Variants in SORBS2 observed in about 807,000 individuals in gnomAD.
The protein encoded by SORBS2 is sorbin and SH3 domain-containing protein 2.
Under a neutral mutation model 97.7 loss-of-function variants are expected in SORBS2, and 46 were observed. That is an observed-to-expected ratio of 0.47 (90% CI 0.37 to 0.60). The LOEUF (loss-of-function observed/expected upper bound fraction) is 0.60, where lower values mean the gene tolerates loss of function less well. Among genes scored for constraint, SORBS2 ranks in the 20% least tolerant of loss-of-function variants. SORBS2 has a pLI of 0.00. For missense variants in SORBS2, 1,316 were observed against 1,282.3 expected, an observed-to-expected ratio of 1.03 and a Z score of -0.40; for synonymous variants, 476 against 473.4, an observed-to-expected ratio of 1.01 and a Z score of -0.07.
At chr4:185,634,943 A>G (rs913449999) in intron 4 of SORBS2, among the ~76,000 whole-genome samples, 7 of 152,234 alleles carry the variant, frequency 4.6e-5, no homozygotes, top group African/African-American at 1.7e-4. Flanking sequence ...TTAGAAATAT[A>G]TGGGACATAG....
intron 1 of SORBS2, among the ~76,000 whole-genome samples, chr4:185,950,145 G>T (rs1399699773): frequency 6.6e-6 from 1 of 151,790 alleles, no homozygotes; most frequent in African/African-American, 2.4e-5. Context: ...CCAGTTACTA[G>T]AAAGGCTGAG....
At chr4:185,626,119 A>G (rs1319986189) in intron 6 of SORBS2, among the ~76,000 whole-genome samples, 1 of 150,936 alleles carries the variant, frequency 6.6e-6, no homozygotes, top group Non-Finnish European at 1.5e-5. Context: ...GGTCTTCCAG[A>G]AACCAGAAGG....
intron 7 of SORBS2, 123 bp downstream of exon 19, chr4:185,622,791 A>G (rs987464870): frequency 7.2e-6 from 7 of 972,028 alleles, no homozygotes; most frequent in Non-Finnish European, 9.0e-6. Flanking sequence ...TTTTTGCTTC[A>G]CAACACATAA....
intron 1 of SORBS2, among the ~76,000 whole-genome samples, chr4:185,902,153 T>C (rs1238030903): frequency 6.6e-6 from 1 of 152,204 alleles, no homozygotes; most frequent in African/African-American, 2.4e-5. Context: ...TATCCATTCT[T>C]CAAAATCTGG....
intron 1 of SORBS2, among the ~76,000 whole-genome samples, chr4:185,872,714 TG>T (rs1239308828): frequency 1.3e-5 from 2 of 152,188 alleles, no homozygotes; most frequent in Admixed American, 1.3e-4. Flanking sequence ...GAAATGTGGT[TG>T]GGGAGAGGGA....
intron 2 of SORBS2, among the ~76,000 whole-genome samples, chr4:185,755,907 G>A (rs950217753): frequency 3.3e-5 from 5 of 152,280 alleles, no homozygotes; most frequent in African/African-American, 9.6e-5. Flanking sequence ...AGAAAAAAAT[G>A]TAACTCTGCA....
At position 185,587,825 on chromosome 4, in the gene SORBS2, C is replaced by T. The variant is rs562848266; in HGVS notation, c.2954-137G>A. 5.2e-5 allele frequency: 35 copies of T among 677,310 alleles called. No individual in the cohort carries two copies. The South Asian group carries it at 5.5e-4, about 11-fold the overall frequency. 42.0% of individuals were successfully genotyped at this position (677,310 alleles called of 1,614,324 possible). ...TTTGGAAAAGAAGGCAGGCAACTCA[C>T]ATGAAGCCCATAGGCAGACAAAATA... On this transcript the variant is annotated intron_variant, in intron 14 of 14. Transcript: ENST00000418609.
chr4:185,813,259 A>G (rs2099189897), intron 1 of SORBS2: 1 of 152,206 alleles, frequency 6.6e-6, no homozygotes, highest in Non-Finnish European at 1.5e-5. Context: ...TTCCGTCAGT[A>G]TTGCGTTTCC....
At chr4:185,625,361 CAACT>C (rs2096793277) in intron 6 of SORBS2, among the ~76,000 whole-genome samples, 1 of 152,116 alleles carries the variant, frequency 6.6e-6, no homozygotes, top group South Asian at 2.1e-4. Flanking sequence ...TTTGCTGAGT[CAACT>C]AATAAATGAG....
intron 2 of SORBS2, among the ~76,000 whole-genome samples, chr4:185,720,801 T>C (rs1371778288): frequency 1.3e-5 from 2 of 152,210 alleles, no homozygotes; most frequent in Non-Finnish European, 2.9e-5. Flanking sequence ...GTGGAGGTAC[T>C]GATAATTCAC....
At chr4:185,685,704 G>A (rs1172258215) in intron 2 of SORBS2, among the ~76,000 whole-genome samples, 3 of 152,078 alleles carry the variant, frequency 2.0e-5, no homozygotes, top group East Asian at 3.9e-4. Context: ...TTAACTTTTT[G>A]TAGAGATGTG....
At chr4:185,677,132 AGC>A in intron 4 of SORBS2, 2 of 1,551,622 alleles carry the variant, frequency 1.3e-6, no homozygotes, top group South Asian at 2.4e-5. Context: ...CTGAAAGGGG[AGC>A]TATCTGAATG....
chr4:185,951,535 A>G (rs1031504), intron 1 of SORBS2, among the ~76,000 whole-genome samples: 137,275 of 152,216 alleles, frequency 0.9, 61,950 homozygotes, highest in East Asian at 0.95. Flanking sequence ...GACATTGCAC[A>G]TTCAGGATTA....
In SORBS2 at chr4:185,684,941, A is replaced by G; in HGVS notation, c.-197-6119T>C. The G allele has an allele frequency of 4.4e-6, 4 of 907,528 alleles. No homozygotes were observed. The South Asian group carries it at 6.1e-5, about 14-fold the overall frequency. The allele number at this position is 907,528 out of a possible 1,614,324, so 56.2% of individuals were successfully genotyped here. A position where few individuals can be genotyped will look rare whatever the true frequency, so the allele number is the denominator to read the frequency against. On this transcript the variant is annotated intron_variant, in intron 2 of 20. Transcript: ENST00000284776. This position sits in a 1 kb window ranked among gnomAD's most constrained non-coding sequence, Gnocchi z 4.2. ...AAGAGAAATGTGCCAGACATCCATG[A>G]GAAAGATGAACAGTTAGAATTAGTA...
intron 1 of SORBS2, among the ~76,000 whole-genome samples, chr4:185,880,027 G>C (rs1276946137): frequency 6.6e-6 from 1 of 152,230 alleles, no homozygotes; most frequent in Non-Finnish European, 1.5e-5. Context: ...TTATAGATTG[G>C]AGAGTTGAGG....
At chr4:185,816,194 A>T (rs2099193177) in intron 1 of SORBS2, among the ~76,000 whole-genome samples, 1 of 152,330 alleles carries the variant, frequency 6.6e-6, no homozygotes, top group African/African-American at 2.4e-5. Context: ...TGAAATCCTT[A>T]TTAGTCTGTT....
At chr4:185,941,402 C>T (rs1166608612) in intron 1 of SORBS2, among the ~76,000 whole-genome samples, 1 of 152,124 alleles carries the variant, frequency 6.6e-6, no homozygotes, top group African/African-American at 2.4e-5. Context: ...TCTGTCTTTT[C>T]CCACTAATAT....
At chr4:185,617,110 T>C (rs952677456) in intron 9 of SORBS2, among the ~76,000 whole-genome samples, 2 of 152,222 alleles carry the variant, frequency 1.3e-5, no homozygotes, top group Non-Finnish European at 2.9e-5. Context: ...CCCTTCCTAC[T>C]TCACATCCCC....
intron 4 of SORBS2, among the ~76,000 whole-genome samples, chr4:185,672,323 T>C (rs546091482): frequency 6.6e-6 from 1 of 152,300 alleles, no homozygotes; most frequent in East Asian, 1.9e-4. Flanking sequence ...CTTTGGCAAA[T>C]GATTGATTAT....
Sources: gnomAD v4.1 joint callset for allele counts (sites outside exome capture counted in the v4.1 genomes callset) on GRCh38, gnomAD v4.1.1 for gene constraint, Gnocchi (gnomAD v3.1) non-coding constraint, MANE v1.5 for transcripts, NCBI Gene and HGNC (gene_info 2026-07-23, HGNC 2026-07-21) for gene names.